SLC39A11: variants seen among roughly 807,000 people sequenced by gnomAD.
SLC39A11 encodes the protein zinc transporter ZIP11.
SLC39A11 carries 33 observed loss-of-function variants against 36.1 expected under a neutral mutation model. The ratio of observed to expected loss-of-function variants is 0.91; its 90% CI spans 0.69 to 1.22. The LOEUF (loss-of-function observed/expected upper bound fraction) is 1.22. Among genes scored for constraint, SLC39A11 ranks in the 50% most tolerant of loss-of-function variants. SLC39A11 has a pLI of 0.00. For synonymous variants in SLC39A11, 166 were observed against 170.3 expected (o/e 0.97, Z 0.20); for missense variants, 432 against 430.3 (o/e 1.00, Z -0.03).
chr17:72,822,811 C>CTCAAGCAA lies in SLC39A11; in HGVS notation c.601+26815_601+26822dup, dbSNP rs760823813. Among the ~76,000 whole-genome samples, 86 of 151,046 alleles carry CTCAAGCAA rather than the reference C, an allele frequency of 5.7e-4. 9 individuals are homozygous for CTCAAGCAA. The highest frequency in any genetic ancestry group is 1.1e-3 in the Non-Finnish European group (71 of 67,426). On this transcript the variant is annotated intron_variant, in intron 6 of 9. Transcript: ENST00000255559. ...CTCACTGCAGCTTCAACCTCCTGGG[C>CTCAAGCAA]TCAAGCAATCCTCTCATCTCAGCCT...
intron 3 of SLC39A11, among the ~76,000 whole-genome samples, chr17:73,047,129 A>G (rs958251057): frequency 4.7e-5 from 7 of 148,650 alleles, no homozygotes; most frequent in Non-Finnish European, 1.0e-4. Context: ...GGTTCACACC[A>G]TTCTCCCGCC....
intron 3 of SLC39A11, among the ~76,000 whole-genome samples, chr17:73,061,026 G>A: frequency 6.6e-6 from 1 of 152,164 alleles, no homozygotes; most frequent in Non-Finnish European, 1.5e-5. Flanking sequence ...ACAAGTACAG[G>A]TTTGTGATTA....
intron 6 of SLC39A11, among the ~76,000 whole-genome samples, chr17:72,790,874 A>G (rs2076678610): frequency 6.6e-6 from 1 of 152,172 alleles, no homozygotes; most frequent in Non-Finnish European, 1.5e-5. Flanking sequence ...ATTTACATGT[A>G]CAGTTAGTGG....
intron 6 of SLC39A11, among the ~76,000 whole-genome samples, chr17:72,794,471 C>T (rs1261104895): frequency 1.3e-5 from 2 of 152,030 alleles, no homozygotes; most frequent in African/African-American, 4.8e-5. Flanking sequence ...CGTTTCTTCT[C>T]ATCACTCTAA....
intron 5 of SLC39A11, among the ~76,000 whole-genome samples, chr17:72,873,618 AAGG>A (rs1345389402): frequency 6.6e-6 from 1 of 152,198 alleles, no homozygotes; most frequent in Non-Finnish European, 1.5e-5. Flanking sequence ...GTGGGAGGCA[AAGG>A]AGAATATGTG....
At chr17:72,764,034 T>C (rs893069943) in intron 6 of SLC39A11, among the ~76,000 whole-genome samples, 6 of 152,094 alleles carry the variant, frequency 3.9e-5, no homozygotes, top group African/African-American at 9.7e-5. Context: ...GTTTATCCAA[T>C]TGCTTTTGGA....
chr17:72,816,975 C>A lies in SLC39A11; in HGVS notation c.601+32659G>T, dbSNP rs572169432. Reference sequence around the variant, plus strand: ...TAGCCAGCTTGATCATAATTATTTTCTTACTTCCAGGGTGCTTGATATTAG... The same window carrying A: ...TAGCCAGCTTGATCATAATTATTTTATTACTTCCAGGGTGCTTGATATTAG... On this transcript the variant is annotated intron_variant, in intron 6 of 9. Transcript: ENST00000255559. Among the ~76,000 whole-genome samples, 3 of 152,258 alleles carry A rather than the reference C, an allele frequency of 2.0e-5. No homozygotes were observed. The South Asian group carries it at 6.2e-4, about 32-fold the overall frequency.
At chr17:72,765,519 C>A (rs1455339870) in intron 6 of SLC39A11, among the ~76,000 whole-genome samples, 1 of 152,164 alleles carries the variant, frequency 6.6e-6, no homozygotes, top group East Asian at 1.9e-4. Context: ...GATAAATTGG[C>A]TTTATCTGGG....
chr17:72,968,248 C>A (rs75601020), intron 4 of SLC39A11, among the ~76,000 whole-genome samples: 1 of 152,138 alleles, frequency 6.6e-6, no homozygotes, highest in African/African-American at 2.4e-5. Context: ...AAGGCATCTG[C>A]GAGGTAACTA....
At chr17:72,985,171 C>T (rs917098017) in intron 4 of SLC39A11, among the ~76,000 whole-genome samples, 3 of 152,214 alleles carry the variant, frequency 2.0e-5, no homozygotes, top group African/African-American at 7.2e-5. Context: ...CAATGATCTG[C>T]TCATGCTTAA....
intron 7 of SLC39A11, among the ~76,000 whole-genome samples, chr17:72,680,996 C>T (rs1322704687): frequency 1.3e-5 from 2 of 152,152 alleles, no homozygotes; most frequent in Non-Finnish European, 2.9e-5. Context: ...GGCTGGATTG[C>T]AGTAGCACAA....
At chr17:72,779,981 TC>T (rs1218360181) in intron 6 of SLC39A11, among the ~76,000 whole-genome samples, 1 of 152,174 alleles carries the variant, frequency 6.6e-6, no homozygotes, top group Non-Finnish European at 1.5e-5. Context: ...AGGGATTCTT[TC>T]CCCAGTGACT....
intron 3 of SLC39A11, among the ~76,000 whole-genome samples, chr17:73,049,505 G>A (rs1362480205): frequency 1.3e-5 from 2 of 152,166 alleles, no homozygotes; most frequent in Non-Finnish European, 2.9e-5. Context: ...AAAGGGGATG[G>A]AAATATGCCA....
chr17:72,806,765 T>C (rs2077270490), intron 6 of SLC39A11, among the ~76,000 whole-genome samples: 1 of 152,180 alleles, frequency 6.6e-6, no homozygotes, highest in Admixed American at 6.5e-5. Context: ...GTATTTTTAG[T>C]AGAGACGGGG....
At chr17:72,833,385 C>G in intron 6 of SLC39A11, among the ~76,000 whole-genome samples, 1 of 152,174 alleles carries the variant, frequency 6.6e-6, no homozygotes, top group Non-Finnish European at 1.5e-5. Flanking sequence ...CACAAAGCAG[C>G]AAATGAAGTG....
chr17:72,929,615 T>G (rs543339138), intron 5 of SLC39A11, among the ~76,000 whole-genome samples: 2 of 152,080 alleles, frequency 1.3e-5, no homozygotes, highest in Non-Finnish European at 2.9e-5. Context: ...ATATTGAAAC[T>G]TCATATTTTA....
intron 4 of SLC39A11, among the ~76,000 whole-genome samples, chr17:72,979,190 C>G (rs1034821472): frequency 2.0e-5 from 3 of 152,190 alleles, no homozygotes; most frequent in Non-Finnish European, 4.4e-5. Context: ...CTTGCCACTT[C>G]TCCTTCCTGC....
intron 3 of SLC39A11, among the ~76,000 whole-genome samples, chr17:73,047,982 AAAAAAAAAATATATATATAT>A (rs2059357829): frequency 4.0e-5 from 2 of 50,486 alleles, no homozygotes; most frequent in East Asian, 4.6e-4. Flanking sequence ...AAAAAAAAAA[AAAAAAAAAATATATATATAT>A]ATATATATAT....
intron 6 of SLC39A11, among the ~76,000 whole-genome samples, chr17:72,814,852 C>G (rs1278899865): frequency 1.3e-5 from 2 of 152,148 alleles, no homozygotes; most frequent in African/African-American, 2.4e-5. Context: ...GAACAATGGT[C>G]CACACTTGAG....
Sources: allele counts gnomAD v4.1 joint callset (sites outside exome capture counted in the v4.1 genomes callset), GRCh38; gene constraint gnomAD v4.1.1; transcripts MANE v1.5; gene names NCBI Gene and HGNC (gene_info 2026-07-23, HGNC 2026-07-21).